The following RNF17 variants were observed in gnomAD, a reference collection of about 807,000 sequenced individuals.
The protein encoded by RNF17 is spermatogenesis associated 23.
RNF17 carries 31 observed loss-of-function variants against 200.5 expected under a neutral mutation model. The ratio of observed to expected loss-of-function variants is 0.15; its 90% CI spans 0.12 to 0.21. The LOEUF is 0.21. Among genes scored for constraint, RNF17 ranks in the 10% least tolerant of loss-of-function variants. The pLI is 1.00. For missense variants in RNF17, 1,628 were observed against 1,905.1 expected (o/e 0.85, Z 2.71); for synonymous variants, 606 against 637.8 (o/e 0.95, Z 0.75).
Position 24,879,756 on chromosome 13 carries a change from A to G in RNF17, c.*30A>G, listed in dbSNP as rs1473948226. On this transcript the variant is annotated 3_prime_UTR_variant, in exon 36 of 36. Coordinates refer to ENST00000255324, the MANE Select transcript of RNF17 (RefSeq NM_031277.3). ...TTTCAGGTATACAGTGAGAGCATCT[A>G]TAGAAGCCTAGAAGAATTCTGTTAT... 1.3e-5 allele frequency: 2 copies of G among 153,328 alleles called. No homozygotes were observed. The highest frequency in any genetic ancestry group is 2.9e-5 in the Non-Finnish European group (2 of 68,790). 9.5% of individuals were successfully genotyped at this position (153,328 alleles called of 1,614,324 possible). A position where few individuals can be genotyped will look rare whatever the true frequency, so the allele number is the denominator to read the frequency against.
At chr13:24,776,913 T>TAA (rs1000894257) in intron 3 of RNF17, among the ~76,000 whole-genome samples, 1 of 152,242 alleles carries the variant, frequency 6.6e-6, no homozygotes, top group African/African-American at 2.4e-5. Flanking sequence ...GATGTACTCT[T>TAA]ATCTATATAT....
intron 34 of RNF17, among the ~76,000 whole-genome samples, chr13:24,878,863 A>G (rs1469105263): frequency 6.6e-6 from 1 of 152,156 alleles, no homozygotes; most frequent in Non-Finnish European, 1.5e-5. Context: ...TTAACAACTA[A>G]TATTAACCAT....
At chr13:24,867,386 C>T (rs1310032408) in intron 30 of RNF17, among the ~76,000 whole-genome samples, 1 of 152,026 alleles carries the variant, frequency 6.6e-6, no homozygotes, top group East Asian at 1.9e-4. Context: ...TTGATGAAGT[C>T]CAATTTATCT....
chr13:24,813,501 G>T (rs367995197), intron 15 of RNF17, among the ~76,000 whole-genome samples: 43 of 152,250 alleles, frequency 2.8e-4, no homozygotes, highest in African/African-American at 9.6e-4. Context: ...TTGTTGGATT[G>T]TAGGAGTTTT....
At chr13:24,756,917 C>A in the RNF17 span, among the ~76,000 whole-genome samples, 9 of 152,080 alleles carry the variant, frequency 5.9e-5, no homozygotes, top group Non-Finnish European at 2.9e-5. Flanking sequence ...GAAACAAGGA[C>A]TTGGAAGACA....
chr13:24,853,139 C>T (rs1488934676), intron 24 of RNF17, among the ~76,000 whole-genome samples: 1 of 152,204 alleles, frequency 6.6e-6, no homozygotes, highest in Non-Finnish European at 1.5e-5. Flanking sequence ...ATCTCGAACT[C>T]CTGACCTCAG....
chr13:24,870,282 CTG>C (rs1371286262), intron 31 of RNF17, among the ~76,000 whole-genome samples: 2 of 151,862 alleles, frequency 1.3e-5, no homozygotes, highest in Non-Finnish European at 2.9e-5. Flanking sequence ...TGAGGTCTAA[CTG>C]TGTTGCTCAG....
Position 24,879,175 on chromosome 13 carries a change from T to C in RNF17, c.4774-12T>C, listed in dbSNP as rs185939168. 1.2e-6 allele frequency: 2 copies of C among 1,600,986 alleles called. No homozygotes were observed. The highest frequency in any genetic ancestry group is 2.2e-5 in the East Asian group (1 of 44,806). Reference sequence around the variant, plus strand: ...TTACTGTTTTCTTGACAACTGTATCTTTTAATTTTAGGCTCCAGCACCAGA... The same window carrying C: ...TTACTGTTTTCTTGACAACTGTATCCTTTAATTTTAGGCTCCAGCACCAGA... On this transcript the variant is annotated splice_polypyrimidine_tract_variant and intron_variant, in intron 34 of 35. Transcript: ENST00000255324.
chr13:24,850,283 A>C, intron 22 of RNF17, 58 bp from the exon 23 acceptor site: 1 of 1,076,020 alleles, frequency 9.3e-7, no homozygotes, highest in East Asian at 2.5e-5. Context: ...TGTTTTTTGT[A>C]TATTTCAATA....
At chr13:24,762,284 T>G (rs534563204), upstream of RNF17, among the ~76,000 whole-genome samples, 5 of 150,138 alleles carry the variant, frequency 3.3e-5, no homozygotes, top group African/African-American at 1.2e-4. Flanking sequence ...ACAGGAGAAT[T>G]GCTTGAACCC....
intron 20 of RNF17, among the ~76,000 whole-genome samples, 176 bp downstream of exon 20, chr13:24,844,147 A>G (rs1890984422): frequency 6.6e-6 from 1 of 152,214 alleles, no homozygotes; most frequent in African/African-American, 2.4e-5. Context: ...TTTTCACTGC[A>G]TTAGAATTTA....
rs150416533 is a variant in RNF17 at position 24,793,131 on chromosome 13, C to T, written c.1025C>T (p.Pro342Leu). ...KELSCYDTYP[P>L]LEKKKVDMSV... The stretch of plus-strand genomic sequence containing the variant: ...CTTTCTTGTTACGATACATACCCAC[C>T]GCTAGAAAAGAAAAAGGTTGACATG... The change falls in exon 10 of 36, where the codon CCG becomes CTG. Residue 342 changes from proline to leucine, a missense_variant. By Grantham distance (98) the Pro-to-Leu change is moderately conservative (BLOSUM62 -3). Transcript: ENST00000255324. The T allele has an allele frequency of 1.0e-4, 164 of 1,613,538 alleles. 1 individual carries two copies. In the Middle Eastern group the frequency reaches 1.3e-3, roughly 13 times the overall value.
chr13:24,760,899 G>A (rs1566100874), upstream of RNF17, among the ~76,000 whole-genome samples: 1 of 152,082 alleles, frequency 6.6e-6, no homozygotes, highest in Non-Finnish European at 1.5e-5. Flanking sequence ...TCAGGGAAAT[G>A]CAAATTAAAA....
chr13:24,792,500 C>T (rs1566139377), intron 9 of RNF17, among the ~76,000 whole-genome samples: 3 of 151,954 alleles, frequency 2.0e-5, no homozygotes, highest in Admixed American at 6.6e-5. Flanking sequence ...TTTATGACAC[C>T]GGAGCTGATT....
intron 11 of RNF17, among the ~76,000 whole-genome samples, chr13:24,798,931 C>T (rs1376691198): frequency 6.6e-6 from 1 of 152,166 alleles, no homozygotes; most frequent in Non-Finnish European, 1.5e-5. Flanking sequence ...TTGTTTTACT[C>T]TCACTCCCCT....
chr13:24,802,879 C>A (rs926099637), intron 14 of RNF17, among the ~76,000 whole-genome samples: 1 of 152,040 alleles, frequency 6.6e-6, no homozygotes, highest in African/African-American at 2.4e-5. Context: ...AGCTAGACCT[C>A]GTCTCTACAA....
At chr13:24,859,687 A>G (rs993068232) in intron 26 of RNF17, among the ~76,000 whole-genome samples, 5 of 152,090 alleles carry the variant, frequency 3.3e-5, no homozygotes, top group African/African-American at 1.2e-4. Context: ...TTGATGAAGT[A>G]CTTCATCATA....
intron 9 of RNF17, 151 bp from the exon 10 acceptor site, chr13:24,792,891 G>T (rs1884048982): frequency 5.4e-6 from 3 of 560,646 alleles, no homozygotes; most frequent in African/African-American, 3.8e-5. Flanking sequence ...GGAGTAGAAT[G>T]GATAAATAAC....
intron 30 of RNF17, 131 bp from the exon 31 acceptor site, chr13:24,868,469 C>CA (rs71186854): frequency 0.032 from 6,451 of 199,258 alleles, 16 homozygotes; most frequent in Admixed American, 0.042. Flanking sequence ...GACTCCGTCT[C>CA]AAAAAAAAAA....
Sources: gnomAD v4.1 joint callset for allele counts (sites outside exome capture counted in the v4.1 genomes callset) on GRCh38, gnomAD v4.1.1 for gene constraint, MANE v1.5 for transcripts, NCBI Gene and HGNC (gene_info 2026-07-23, HGNC 2026-07-21) for gene names.